Variants in BRD8 observed in about 807,000 individuals in gnomAD.
The protein encoded by BRD8 is bromodomain-containing protein 8.
BRD8 carries 67 observed loss-of-function variants against 143.1 expected under a neutral mutation model. The observed-to-expected ratio is 0.47, with a 90% CI of 0.38 to 0.57. The LOEUF (loss-of-function observed/expected upper bound fraction) is 0.57. Among genes scored for constraint, BRD8 ranks in the 20% least tolerant of loss-of-function variants. The pLI is 0.00. For missense variants in BRD8, 1,103 were observed against 1,503.0 expected (o/e 0.73, Z 4.40); for synonymous variants, 505 against 517.1 (o/e 0.98, Z 0.32).
chr5:138,156,750 G>T, intron 20 of BRD8: 1 of 825,026 alleles, frequency 1.2e-6, no homozygotes, highest in Non-Finnish European at 1.5e-6. Context: ...ACAGCAAGCA[G>T]TTCATAAGAC....
chr5:138,153,673 C>CTTTT (rs67848204), intron 20 of BRD8, among the ~76,000 whole-genome samples: 83 of 107,170 alleles, frequency 7.7e-4, no homozygotes, highest in Middle Eastern at 5.1e-3. Flanking sequence ...CTTTTCTTTT[C>CTTTT]TTTTTTTTTT....
chr5:138,172,447 C>G (rs578195280), intron 2 of BRD8, among the ~76,000 whole-genome samples: 4 of 138,166 alleles, frequency 2.9e-5, no homozygotes, highest in Non-Finnish European at 6.1e-5. Flanking sequence ...CTCTTGAACA[C>G]AGGAGGCGGA....
In BRD8 at chr5:138,169,302, G is replaced by T. The variant is rs747706827; in HGVS notation, c.562C>A (p.Pro188Thr). The change falls in exon 8 of 27, where the codon CCT becomes ACT. Residue 188 changes from proline to threonine, a missense_variant. This residue lies in a region of BRD8 where 334 missense variants were observed against 372.5 expected (regional missense o/e 0.90). Coordinates refer to ENST00000254900, the MANE Select transcript of BRD8 (RefSeq NM_139199.2). Reference protein sequence around the residue: ...RRLPTVMVRSPIDSASPGGDY... With the variant: ...RRLPTVMVRSTIDSASPGGDY... ...CCTCCTGGGGAGGCAGAATCTATAG[G>T]AGAGCGAACCATCACAGTGGGTAAC... 3.1e-6 allele frequency: 5 copies of T among 1,614,178 alleles called. No homozygotes were observed. The South Asian group carries it at 5.5e-5, about 18-fold the overall frequency.
At chr5:138,174,335 C>CTGT (rs1349745982) in intron 2 of BRD8, among the ~76,000 whole-genome samples, 1 of 152,122 alleles carries the variant, frequency 6.6e-6, no homozygotes, top group Non-Finnish European at 1.5e-5. Flanking sequence ...TAGCTCATGC[C>CTGT]TGTAATCCCG....
chr5:138,163,262 TCTC>T lies in BRD8; in HGVS notation c.1952_1954del (p.Gly651del). On this transcript the variant is annotated inframe_deletion, in exon 15 of 27. Coordinates refer to ENST00000254900, the MANE Select transcript of BRD8 (RefSeq NM_139199.2). ...ATTATCCATTTCTGACAAGTAGCCT[TCTC>T]CTTGATCCTCTTCCTTAGGCTCCTC... 6.2e-7 allele frequency: 1 copy of T among 1,614,124 alleles called. No homozygotes were observed. Among genetic ancestry groups the T allele is most frequent in the South Asian group, 1.1e-5 (1 of 91,076 alleles).
chr5:138,170,599 T>C, intron 6 of BRD8, 190 bp from the exon 7 acceptor site: 1 of 799,626 alleles, frequency 1.3e-6, no homozygotes, highest in Non-Finnish European at 2.2e-6. Flanking sequence ...CCAGGCAAAC[T>C]ATAGCCACTC....
Position 138,143,964 on chromosome 5 carries a change from A to C in BRD8, c.3437+1213T>G, listed in dbSNP as rs1311953625. Among the ~76,000 whole-genome samples, 8 of 152,320 alleles carry C rather than the reference A, an allele frequency of 5.3e-5. No individual in the cohort carries two copies. The South Asian group carries it at 1.2e-3, about 24-fold the overall frequency. On this transcript the variant is annotated intron_variant, in intron 25 of 26. Coordinates refer to ENST00000254900, the MANE Select transcript of BRD8 (RefSeq NM_139199.2). ...GCTGGAGTCCCCTTCCACACTGTGG[A>C]GGCTTTGTTCTTTCACTCCGCAATA...
At chr5:138,160,776 C>T (rs1752945181) in intron 18 of BRD8, 115 bp downstream of exon 18, 2 of 876,970 alleles carry the variant, frequency 2.3e-6, no homozygotes, top group African/African-American at 3.5e-5. Context: ...TCAATTGTGT[C>T]CCTGACAGCT....
Position 138,149,653 on chromosome 5 carries a change from T to C in BRD8, c.3265A>G (p.Thr1089Ala). 2 of 1,607,250 alleles carry C rather than the reference T, an allele frequency of 1.2e-6. No individual in the cohort carries two copies. Among genetic ancestry groups the C allele is most frequent in the African/African-American group, 1.3e-5 (1 of 74,804 alleles). The change falls in exon 23 of 27, where the codon ACC (threonine) becomes GCC (alanine). Residue 1089 changes from threonine (T) to alanine (A), a missense_variant. Coordinates refer to ENST00000254900, the MANE Select transcript of BRD8 (RefSeq NM_139199.2). ...PLVDTLFSHA[T>A]SSKLTDLSQD... Reference sequence around the variant, plus strand: ...GTCTACGCTTACAGCTTTGAGGAGGTAGCATGGCTGAAAAGTGTATCCACC... The same window carrying C: ...GTCTACGCTTACAGCTTTGAGGAGGCAGCATGGCTGAAAAGTGTATCCACC...
intron 24 of BRD8, 132 bp from the exon 25 acceptor site, chr5:138,145,377 T>A: frequency 1.5e-6 from 1 of 684,040 alleles, no homozygotes; most frequent in Non-Finnish European, 2.5e-6. Flanking sequence ...AAAAATCTAT[T>A]TGTTCCCTCT....
intron 18 of BRD8, 138 bp downstream of exon 18, chr5:138,160,753 A>C (rs780045694): frequency 4.0e-5 from 29 of 718,150 alleles, no homozygotes; most frequent in Non-Finnish European, 6.1e-5. Flanking sequence ...AGTAAGAACA[A>C]AATATTATGT....
intron 2 of BRD8, chr5:138,172,706 A>G (rs746946169): frequency 5.3e-6 from 2 of 376,078 alleles, no homozygotes; most frequent in South Asian, 3.6e-5. Context: ...TCGACAAGGT[A>G]TGGTGGTGCG....
chr5:138,148,520 C>T (rs1364274801), intron 23 of BRD8, among the ~76,000 whole-genome samples: 1 of 151,792 alleles, frequency 6.6e-6, no homozygotes, highest in Non-Finnish European at 1.5e-5. Context: ...GGTGCATGCC[C>T]CCACACCCAA....
At chr5:138,149,927 A>G in intron 22 of BRD8, 130 bp from the exon 23 acceptor site, 1 of 853,478 alleles carries the variant, frequency 1.2e-6, no homozygotes, top group East Asian at 2.9e-5. Context: ...TACAAAAGAA[A>G]TTAAAGAAAG....
intron 22 of BRD8, 109 bp downstream of exon 22, chr5:138,150,636 G>A: frequency 8.0e-7 from 1 of 1,253,562 alleles, no homozygotes; most frequent in Middle Eastern, 2.6e-4. Context: ...TCCAGGATTT[G>A]GATCCAGGTA....
At chr5:138,144,265 G>T (rs1304707834) in intron 25 of BRD8, among the ~76,000 whole-genome samples, 2 of 152,132 alleles carry the variant, frequency 1.3e-5, no homozygotes, top group African/African-American at 4.8e-5. Context: ...GTGAAGGTCT[G>T]CAGCTTCACT....
chr5:138,151,778 C>T (rs1019942878), intron 21 of BRD8, among the ~76,000 whole-genome samples: 1 of 152,244 alleles, frequency 6.6e-6, no homozygotes, highest in Non-Finnish European at 1.5e-5. Context: ...ATTCTCCTGC[C>T]TCAGCCTCCC....
At chr5:138,157,315 C>A (rs1209548373) in intron 20 of BRD8, 2 of 1,610,436 alleles carry the variant, frequency 1.2e-6, no homozygotes, top group East Asian at 2.2e-5. Context: ...GGTCAGGAGA[C>A]AAGAGACGGT....
chr5:138,174,551 G>A (rs2151220651), intron 2 of BRD8, among the ~76,000 whole-genome samples: 1 of 150,040 alleles, frequency 6.7e-6, no homozygotes, highest in South Asian at 2.1e-4. Context: ...AGCCAAGATT[G>A]CACCACTGCA....
Sources: allele counts gnomAD v4.1 joint callset (sites outside exome capture counted in the v4.1 genomes callset), GRCh38; gene constraint gnomAD v4.1.1; regional missense constraint gnomAD v4.1.1; transcripts MANE v1.5; gene names NCBI Gene and HGNC (gene_info 2026-07-23, HGNC 2026-07-21).